Variants in CDH18 observed in about 807,000 individuals in gnomAD.
CDH18 encodes the protein cadherin-18.
A neutral mutation model predicts 67.9 loss-of-function variants in CDH18; 31 were observed. That is an observed-to-expected ratio of 0.46 (90% CI 0.34 to 0.62). The LOEUF (loss-of-function observed/expected upper bound fraction) is 0.62, where lower values mean the gene tolerates loss of function less well. CDH18 is among the 20% of genes least tolerant of loss of function. CDH18 has a pLI of 0.01. For missense variants in CDH18, 890 were observed against 975.5 expected (o/e 0.91, Z 1.17); for synonymous variants, 362 against 347.2 (o/e 1.04, Z -0.48).
chr5:20,567,493 G>T (rs1201626643), intron 1 of CDH18, among the ~76,000 whole-genome samples: 1 of 152,198 alleles, frequency 6.6e-6, no homozygotes, highest in African/African-American at 2.4e-5. Context: ...ATGAGGTTTG[G>T]CACAGTGAGG....
At chr5:20,478,723 G>A (rs939384452) in intron 1 of CDH18, among the ~76,000 whole-genome samples, 2 of 149,014 alleles carry the variant, frequency 1.3e-5, no homozygotes, top group Admixed American at 1.3e-4. Context: ...GATTCACCAC[G>A]TACTGACTGA....
rs182386701 is a variant in CDH18, at chr5:20,364,676, T to C, written c.-579-109171A>G. Among the ~76,000 whole-genome samples the C allele has an allele frequency of 1.8e-4, 28 of 152,358 alleles. 1 individual carries two copies. Among genetic ancestry groups the C allele is most frequent in the Admixed American group, 1.6e-3 (24 of 15,306 alleles). ...AACATATTGATTTATCTAAATCTTA[T>C]TTCTACAATGATTAGTGCTCCCCAT... On this transcript the variant is annotated intron_variant, in intron 1 of 14. Coordinates refer to the CDH18 transcript ENST00000507958.
At chr5:19,580,416 C>G (rs979364544) in intron 7 of CDH18, among the ~76,000 whole-genome samples, 6 of 151,692 alleles carry the variant, frequency 4.0e-5, no homozygotes, top group Admixed American at 3.9e-4. Context: ...CCAGTTTTCC[C>G]TAAGAGAAAA....
intron 1 of CDH18, among the ~76,000 whole-genome samples, chr5:19,983,532 C>G (rs1472733220): frequency 6.6e-6 from 1 of 152,154 alleles, no homozygotes; most frequent in Non-Finnish European, 1.5e-5. Context: ...GCAAATATTT[C>G]ACTCAATATT....
intron 2 of CDH18, among the ~76,000 whole-genome samples, chr5:19,880,541 T>C (rs1209094053): frequency 3.3e-5 from 5 of 152,142 alleles, no homozygotes; most frequent in African/African-American, 1.2e-4. Flanking sequence ...TGCAATATTT[T>C]TGGTTGATAC....
intron 2 of CDH18, among the ~76,000 whole-genome samples, chr5:20,221,757 C>A (rs953996217): frequency 5.3e-5 from 8 of 151,596 alleles, no homozygotes; most frequent in Admixed American, 1.3e-4. Flanking sequence ...TACTATGTCC[C>A]CACAAAAATA....
At chr5:20,198,963 G>C (rs1393310247) in intron 2 of CDH18, among the ~76,000 whole-genome samples, 1 of 152,208 alleles carries the variant, frequency 6.6e-6, no homozygotes, top group East Asian at 1.9e-4. Flanking sequence ...TTGAGGTTTG[G>C]GAACTTCCAC....
At chr5:19,847,164 T>A (rs1783074806) in intron 2 of CDH18, among the ~76,000 whole-genome samples, 1 of 152,108 alleles carries the variant, frequency 6.6e-6, no homozygotes, top group Non-Finnish European at 1.5e-5. Context: ...ATTATAGCTA[T>A]TCCCTTTCCA....
chr5:20,205,130 G>A (rs888828837), intron 2 of CDH18, among the ~76,000 whole-genome samples: 1 of 151,822 alleles, frequency 6.6e-6, no homozygotes, highest in Non-Finnish European at 1.5e-5. Flanking sequence ...ATGAATATAG[G>A]AACAAGAACC....
intron 2 of CDH18, among the ~76,000 whole-genome samples, chr5:20,109,558 C>T (rs1747274339): frequency 6.6e-6 from 1 of 152,216 alleles, no homozygotes. Flanking sequence ...GTCTAACTGA[C>T]TTGCAAATAC....
chr5:19,851,564 A>G (rs1225442427), intron 2 of CDH18, among the ~76,000 whole-genome samples: 1 of 151,710 alleles, frequency 6.6e-6, no homozygotes, highest in Non-Finnish European at 1.5e-5. Context: ...AAAGAAGAAA[A>G]CTAAACTGAT....
intron 2 of CDH18, among the ~76,000 whole-genome samples, chr5:20,132,293 C>T (rs1170850197): frequency 6.6e-6 from 1 of 152,004 alleles, no homozygotes; most frequent in Non-Finnish European, 1.5e-5. Context: ...ATAATTTTTC[C>T]ACTTCTTAAA....
chr5:19,851,165 T>C (rs944316765), intron 2 of CDH18, among the ~76,000 whole-genome samples: 3 of 151,822 alleles, frequency 2.0e-5, no homozygotes, highest in African/African-American at 7.2e-5. Context: ...GAATTTGCCA[T>C]GTTGTTAATA....
At chr5:19,820,181 T>A (rs1779717457) in intron 3 of CDH18, among the ~76,000 whole-genome samples, 1 of 152,044 alleles carries the variant, frequency 6.6e-6, no homozygotes, top group South Asian at 2.1e-4. Context: ...GAGTTGGTCA[T>A]CCCTCTCTCC....
At chr5:19,579,642 A>G (rs57521588) in intron 7 of CDH18, among the ~76,000 whole-genome samples, 15,599 of 151,756 alleles carry the variant, frequency 0.1, 1,038 homozygotes, top group African/African-American at 0.18. Flanking sequence ...TAGATCTAAT[A>G]TTTGACTTAT....
intron 2 of CDH18, among the ~76,000 whole-genome samples, chr5:20,090,372 C>A (rs539983268): frequency 6.6e-6 from 1 of 151,742 alleles, no homozygotes; most frequent in African/African-American, 2.4e-5. Context: ...CCGTCTCTAC[C>A]AAAAATACAA....
At chr5:19,778,252 G>A (rs1158912287) in intron 3 of CDH18, among the ~76,000 whole-genome samples, 2 of 152,134 alleles carry the variant, frequency 1.3e-5, no homozygotes, top group East Asian at 1.9e-4. Flanking sequence ...TTAAATATGG[G>A]AGACTGAACT....
intron 3 of CDH18, among the ~76,000 whole-genome samples, chr5:19,800,034 G>A (rs1777287368): frequency 6.6e-6 from 1 of 152,112 alleles, no homozygotes; most frequent in African/African-American, 2.4e-5. Context: ...TGTAGGGTTT[G>A]CTCTCAACAC....
intron 9 of CDH18, among the ~76,000 whole-genome samples, chr5:19,537,444 TG>T (rs1474580907): frequency 2.0e-5 from 3 of 151,982 alleles, no homozygotes; most frequent in Non-Finnish European, 4.4e-5. Context: ...TGTAAGTGTG[TG>T]TATGTGCACA....
Sources: allele counts gnomAD v4.1 joint callset (sites outside exome capture counted in the v4.1 genomes callset), GRCh38; gene constraint gnomAD v4.1.1; transcripts MANE v1.5; gene names NCBI Gene and HGNC (gene_info 2026-07-23, HGNC 2026-07-21).